PLA2G6: variants seen among roughly 807,000 people sequenced by gnomAD.
PLA2G6 encodes phospholipase A2 group VI.
PLA2G6 carries 62 observed loss-of-function variants against 83.8 expected under a neutral mutation model. That is an observed-to-expected ratio of 0.74 (90% CI 0.60 to 0.91). The LOEUF is 0.91. Ranked by LOEUF, PLA2G6 falls within the 40% of genes least tolerant of loss-of-function variation. The probability of loss-of-function intolerance (pLI) is 0.00; values close to 1 mark genes in which losing one functional copy is unlikely to be tolerated. For missense variants in PLA2G6, 944 were observed against 1,102.0 expected, an observed-to-expected ratio of 0.86 and a Z score of 2.03; for synonymous variants, 417 against 449.8, an observed-to-expected ratio of 0.93 and a Z score of 0.92.
chr22:38,143,288 G>C lies in PLA2G6; in HGVS notation c.426C>G (p.Ser142Arg). 5 of 1,610,890 alleles carry C rather than the reference G, an allele frequency of 3.1e-6. No homozygotes were observed. The highest frequency in any genetic ancestry group is 4.2e-6 in the Non-Finnish European group (5 of 1,179,992). ...RECFHHSRII[S>R]CANCAENEEG... ...CCTCGTTCTCCGCGCAATTGGCACA[G>C]CTGCAGGAGAGGGCCAGGGTGAGCA... Residue 142 changes from serine to arginine, a missense_variant and splice_region_variant, in exon 4 of 17, where the codon AGC becomes AGG. By Grantham distance (110) the Ser-to-Arg change is moderately radical (BLOSUM62 -1). Transcript: ENST00000332509.
chr22:38,118,753 G>GTT (rs10709435), intron 12 of PLA2G6, among the ~76,000 whole-genome samples: 47 of 138,682 alleles, frequency 3.4e-4, no homozygotes, highest in East Asian at 8.3e-4. Context: ...GTTTGTTTTT[G>GTT]TTTTTTTTTT....
chr22:38,136,678 C>G (rs2088571475), intron 5 of PLA2G6: 1 of 149,544 alleles, frequency 6.7e-6, no homozygotes, highest in African/African-American at 2.5e-5. Flanking sequence ...CATAATATAT[C>G]AGAATCATTG....
At chr22:38,169,996 G>A (rs964253204) in intron 1 of PLA2G6, among the ~76,000 whole-genome samples, 4 of 151,966 alleles carry the variant, frequency 2.6e-5, no homozygotes, top group East Asian at 1.9e-4. Context: ...TCAGAAATTC[G>A]AGACCAGCCT....
chr22:38,116,335 G>A lies in PLA2G6; in HGVS notation c.1743-124C>T, dbSNP rs1016286313. The A allele has an allele frequency of 9.3e-6, 10 of 1,079,304 alleles. No individual in the cohort carries two copies. The African/African-American group carries it at 1.4e-4, about 15-fold the overall frequency. The allele number at this position is 1,079,304 out of a possible 1,614,324, so 66.9% of individuals were successfully genotyped here. ...CCACTCCAACCTCTGTTCGGGATAG[G>A]TGGGCTTCTCCCCGCACCATCCCCG... On this transcript the variant is annotated intron_variant, in intron 12 of 16. Transcript: ENST00000332509.
rs558233656 is a variant in PLA2G6 at position 38,142,924 on chromosome 22, A to G, written c.609+181T>C. On this transcript the variant is annotated intron_variant, in intron 4 of 16. Coordinates refer to ENST00000332509, the MANE Select transcript of PLA2G6 (RefSeq NM_003560.4). ...AAGAGACTGAGGACGTGGCTCCTGG[A>G]AAAGGGCTGGGAGGGAAGAGCCAGG... is the stretch of plus-strand genomic sequence containing the variant. The G allele has an allele frequency of 2.6e-4, 186 of 726,128 alleles. 2 individuals carry two copies. In the East Asian group the frequency reaches 4.2e-3, roughly 17 times the overall value. The allele number at this position is 726,128 out of a possible 1,614,324, so 45.0% of individuals were successfully genotyped here.
In PLA2G6 at chr22:38,133,023, A is replaced by G; in HGVS notation, c.895-10T>C. On this transcript the variant is annotated splice_polypyrimidine_tract_variant and intron_variant, in intron 6 of 16. Coordinates refer to ENST00000332509, the MANE Select transcript of PLA2G6 (RefSeq NM_003560.4). ...GCAGCATGCGGGCCATCTGCGGGAG[A>G]CGGTCAGGCTGAGTTAGCACAGGCA... is the stretch of plus-strand genomic sequence containing the variant. 2 of 1,556,838 alleles carry G rather than the reference A, an allele frequency of 1.3e-6. No homozygotes were observed. The highest frequency in any genetic ancestry group is 2.7e-5 in the African/African-American group (2 of 73,810).
chr22:38,122,846 T>A (rs2087601071), intron 11 of PLA2G6, among the ~76,000 whole-genome samples: 1 of 152,042 alleles, frequency 6.6e-6, no homozygotes, highest in South Asian at 2.1e-4. Flanking sequence ...TATGCCAAAA[T>A]TTCACACAGC....
Position 38,128,142 on chromosome 22 carries a change from G to C in PLA2G6, c.1348+127C>G, listed in dbSNP as rs9622732. 333,964 of 1,002,046 alleles carry C rather than the reference G, an allele frequency of 0.33. 58,402 individuals carry two copies. Among genetic ancestry groups the C allele is most frequent in the South Asian group, 0.42 (29,570 of 70,488 alleles). The allele number at this position is 1,002,046 out of a possible 1,614,324, so 62.1% of individuals were successfully genotyped here. A position where few individuals can be genotyped will look rare whatever the true frequency, so the allele number is the denominator to read the frequency against. On this transcript the variant is annotated intron_variant, in intron 9 of 16. Transcript: ENST00000332509. The surrounding 1 kb of genome is among the most constrained non-coding windows in gnomAD (Gnocchi z 4.4). The stretch of plus-strand genomic sequence containing the variant: ...TGGCTGCCTAGAGGCTGACAACTCC[G>C]GCCCCATCCTCCCCGGCTTCCTTTA...
chr22:38,170,148 A>T (rs909952991), intron 1 of PLA2G6, among the ~76,000 whole-genome samples: 17 of 149,244 alleles, frequency 1.1e-4, no homozygotes, highest in African/African-American at 3.7e-4. Context: ...CAGTGAGCTG[A>T]GATCGCGCCA....
chr22:38,130,452 G>A (rs1251235658), intron 7 of PLA2G6: 3 of 152,164 alleles, frequency 2.0e-5, no homozygotes, highest in African/African-American at 7.2e-5. Context: ...AGAGTAGCTG[G>A]TATTACAGGT....
rs1001373669 is a variant in PLA2G6, at chr22:38,123,507, G to A, written c.1428-249C>T. Among the ~76,000 whole-genome samples the A allele has an allele frequency of 2.6e-5, 4 of 152,160 alleles. No individual in the cohort carries two copies. Among genetic ancestry groups the A allele is most frequent in the African/African-American group, 9.7e-5 (4 of 41,442 alleles). On this transcript the variant is annotated intron_variant, in intron 10 of 16. Coordinates refer to ENST00000332509, the MANE Select transcript of PLA2G6 (RefSeq NM_003560.4). This position sits in a 1 kb window ranked among gnomAD's most constrained non-coding sequence, Gnocchi z 4.1. ...AGGAAGGTCGGGGGATAGCATCACT[G>A]ACCAGGCGCCATCCCAGCAGGATCT...
rs780588998 is a variant in PLA2G6 at position 38,139,997 on chromosome 22, T to C, written c.782A>G (p.Lys261Arg). Residue 261 changes from lysine (K) to arginine (R), a missense_variant, in exon 5 of 17, where the codon AAG becomes AGG. Transcript: ENST00000332509. The stretch of plus-strand genomic sequence containing the variant: ...GAGGTCTTACCCCTTCTGAGAGAAC[T>C]TCATGGCCGAGTGGATGGGGTAGCC... ...PNGYPIHSAMKFSQKGCAEMI... is the reference protein window; with the variant it reads ...PNGYPIHSAMRFSQKGCAEMI... The C allele has an allele frequency of 1.9e-6, 3 of 1,600,822 alleles. No individual in the cohort carries two copies. The highest frequency in any genetic ancestry group is 2.6e-6 in the Non-Finnish European group (3 of 1,172,680).
At chr22:38,145,760 C>G (rs945725406) in intron 2 of PLA2G6, 107 bp from the exon 3 acceptor site, 1 of 689,918 alleles carries the variant, frequency 1.4e-6, no homozygotes, top group South Asian at 1.5e-5. Context: ...CTGGCCAGCT[C>G]CAGCCCGACT....
chr22:38,148,798 G>A (rs1239282928), intron 2 of PLA2G6: 1 of 428,282 alleles, frequency 2.3e-6, no homozygotes, highest in Non-Finnish European at 4.1e-6. Context: ...AGTTGCAATG[G>A]GAGAAGCAAA....
chr22:38,173,377 A>AATCATG, intron 1 of PLA2G6, among the ~76,000 whole-genome samples: 2 of 151,924 alleles, frequency 1.3e-5, no homozygotes, highest in African/African-American at 4.8e-5. Flanking sequence ...CACCTGACAC[A>AATCATG]GACCGCACCT....
chr22:38,122,380 G>C (rs998282951), intron 11 of PLA2G6, among the ~76,000 whole-genome samples: 2 of 152,148 alleles, frequency 1.3e-5, no homozygotes, highest in East Asian at 3.8e-4. Context: ...TGATCTGGCA[G>C]TGCCCCTCCC....
At chr22:38,118,726 T>A (rs1264196808) in intron 12 of PLA2G6, among the ~76,000 whole-genome samples, 1 of 151,142 alleles carries the variant, frequency 6.6e-6, no homozygotes, top group Non-Finnish European at 1.5e-5. Flanking sequence ...TTTTTTCTTT[T>A]TATAGTTTGT....
intron 12 of PLA2G6, among the ~76,000 whole-genome samples, chr22:38,119,557 C>T (rs1193030005): frequency 6.6e-6 from 1 of 152,194 alleles, no homozygotes; most frequent in East Asian, 1.9e-4. Flanking sequence ...ACAAACTAGG[C>T]TGGGCATGGT....
intron 1 of PLA2G6, among the ~76,000 whole-genome samples, chr22:38,172,098 T>C (rs2145942645): frequency 6.6e-6 from 1 of 152,310 alleles, no homozygotes; most frequent in African/African-American, 2.4e-5. Flanking sequence ...GTAAGCTTCG[T>C]CATCCTCCTA....
Sources: allele counts gnomAD v4.1 joint callset (sites outside exome capture counted in the v4.1 genomes callset), GRCh38; gene constraint gnomAD v4.1.1; non-coding constraint Gnocchi (gnomAD v3.1); transcripts MANE v1.5; gene names NCBI Gene and HGNC (gene_info 2026-07-23, HGNC 2026-07-21).